GALM: variants seen among roughly 807,000 people sequenced by gnomAD.
GALM encodes aldose 1-epimerase.
GALM carries 43 observed loss-of-function variants against 37.4 expected under a neutral mutation model. The ratio of observed to expected loss-of-function variants is 1.15; its 90% CI spans 0.90 to 1.48. GALM has a LOEUF of 1.48. GALM is among the 40% of genes most tolerant of loss of function. The probability of loss-of-function intolerance (pLI) is 0.00; values close to 1 mark genes in which losing one functional copy is unlikely to be tolerated. For synonymous variants in GALM, 199 were observed against 170.6 expected (o/e 1.17, Z -1.30); for missense variants, 456 against 419.1 (o/e 1.09, Z -0.77).
At chr2:38,682,615 G>A (rs1310566139) in intron 3 of GALM, among the ~76,000 whole-genome samples, 1 of 152,126 alleles carries the variant, frequency 6.6e-6, no homozygotes, top group African/African-American at 2.4e-5. Context: ...TTAAAAACAA[G>A]GCCAGGTGCT....
At chr2:38,701,011 C>T (rs1424972216) in intron 4 of GALM, among the ~76,000 whole-genome samples, 1 of 152,184 alleles carries the variant, frequency 6.6e-6, no homozygotes, top group Non-Finnish European at 1.5e-5. Context: ...TGAATTCTGT[C>T]AGTTTTTATT....
intron 4 of GALM, among the ~76,000 whole-genome samples, chr2:38,693,028 A>G (rs1010540556): frequency 6.6e-6 from 1 of 152,148 alleles, no homozygotes; most frequent in Non-Finnish European, 1.5e-5. Flanking sequence ...TGGAACTGCA[A>G]TCCCTAGGGT....
At chr2:38,703,882 G>T (rs929212086) in intron 4 of GALM, among the ~76,000 whole-genome samples, 1 of 152,000 alleles carries the variant, frequency 6.6e-6, no homozygotes, top group Admixed American at 6.6e-5. Flanking sequence ...GGGTGTGGTG[G>T]CATGTGCCTA....
intron 4 of GALM, among the ~76,000 whole-genome samples, chr2:38,722,052 C>CCCCCCCCA (rs1666391057): frequency 9.9e-5 from 12 of 121,570 alleles, no homozygotes; most frequent in Non-Finnish European, 2.0e-4. Context: ...CCCCCCCCCC[C>CCCCCCCCA]ACCTAGAACA....
chr2:38,731,345 C>T (rs1410537691), intron 5 of GALM, among the ~76,000 whole-genome samples: 4 of 147,372 alleles, frequency 2.7e-5, no homozygotes, highest in African/African-American at 1.0e-4. Flanking sequence ...TGCAGTGAGC[C>T]GAGGTCGCGC....
intron 2 of GALM, among the ~76,000 whole-genome samples, chr2:38,681,035 G>C (rs1665380568): frequency 6.6e-6 from 1 of 151,964 alleles, no homozygotes; most frequent in Non-Finnish European, 1.5e-5. Context: ...GGGAGGCTGA[G>C]GCTTGAGAAT....
chr2:38,703,057 TATA>T (rs1665952559), intron 4 of GALM, among the ~76,000 whole-genome samples: 10 of 2,962 alleles, frequency 3.4e-3, no homozygotes, highest in African/African-American at 5.7e-3. Context: ...TGGGATTTTA[TATA>T]TATATATATA....
chr2:38,724,076 G>A (rs1329949102), intron 4 of GALM, among the ~76,000 whole-genome samples: 1 of 152,020 alleles, frequency 6.6e-6, no homozygotes, highest in Non-Finnish European at 1.5e-5. Context: ...ACACCACCAT[G>A]CCCAGCTAAT....
chr2:38,715,656 C>T (rs565439826), intron 4 of GALM, among the ~76,000 whole-genome samples: 1 of 152,218 alleles, frequency 6.6e-6, no homozygotes, highest in South Asian at 2.1e-4. Context: ...TGGTCTTGAA[C>T]TCCTGGGTTC....
rs567126536 is a variant in GALM at position 38,694,122 on chromosome 2, C to T, written c.634+4228C>T. Among the ~76,000 whole-genome samples, 310 of 152,052 alleles carry T rather than the reference C, an allele frequency of 2.0e-3. 3 individuals carry two copies. The highest frequency in any genetic ancestry group is 7.3e-3 in the African/African-American group (302 of 41,480). ...GCTTGAGCCCAGGAGGTCAAGGCTG[C>T]AGTGAGCTGTGATTGTGCCACTGCA... On this transcript the variant is annotated intron_variant, in intron 4 of 6. Transcript: ENST00000272252.
chr2:38,697,732 C>T (rs993413209), intron 4 of GALM, among the ~76,000 whole-genome samples: 1 of 152,040 alleles, frequency 6.6e-6, no homozygotes, highest in African/African-American at 2.4e-5. Flanking sequence ...GTTAGTAACC[C>T]ACTTATGGAT....
intron 3 of GALM, among the ~76,000 whole-genome samples, chr2:38,687,162 G>A (rs988660040): frequency 1.3e-5 from 2 of 152,194 alleles, no homozygotes; most frequent in African/African-American, 4.8e-5. Flanking sequence ...AGTCCCAGGG[G>A]CATCTCCAGG....
Position 38,673,509 on chromosome 2 carries a change from C to T in GALM, c.191-2403C>T, listed in dbSNP as rs529269918. 3.3e-5 allele frequency among the ~76,000 whole-genome samples: 5 copies of T among 152,232 alleles called. No homozygotes were observed. In the East Asian group the frequency reaches 9.6e-4, roughly 29 times the overall value. ...CTACTTTGCTTTTTACAGCCCCTCC[C>T]CTAAAAAGGCCCCAAACAGTTTATG... On this transcript the variant is annotated intron_variant, in intron 1 of 6. Transcript: ENST00000272252.
intron 3 of GALM, among the ~76,000 whole-genome samples, chr2:38,688,240 G>A (rs542387389): frequency 5.7e-5 from 8 of 140,418 alleles, no homozygotes; most frequent in Admixed American, 2.8e-4. Flanking sequence ...TACTGGGTGC[G>A]GTGACTCACA....
chr2:38,706,809 A>T (rs1206060460), intron 4 of GALM, among the ~76,000 whole-genome samples: 3 of 142,606 alleles, frequency 2.1e-5, no homozygotes, highest in Non-Finnish European at 1.5e-5. Context: ...CAGGAGGAAC[A>T]CTTGAATCTA....
At chr2:38,667,674 TG>T (rs1260974082) in intron 1 of GALM, among the ~76,000 whole-genome samples, 1 of 142,902 alleles carries the variant, frequency 7.0e-6, no homozygotes, top group Non-Finnish European at 1.5e-5. Context: ...TTGGTAGAGA[TG>T]GGGTTTCACC....
intron 3 of GALM, among the ~76,000 whole-genome samples, chr2:38,688,716 T>C (rs1665600276): frequency 6.6e-6 from 1 of 152,252 alleles, no homozygotes; most frequent in Non-Finnish European, 1.5e-5. Flanking sequence ...CATGCATGTA[T>C]AAAGTTATTT....
At chr2:38,675,543 TTGTGTGTGTGTG>T (rs1160196072) in intron 1 of GALM, among the ~76,000 whole-genome samples, 33 of 33,636 alleles carry the variant, frequency 9.8e-4, no homozygotes, top group South Asian at 3.7e-3. Context: ...TTTTTTTTTT[TTGTGTGTGTGTG>T]TGTGTGTGTG....
chr2:38,676,095 C>T (rs762002444), intron 2 of GALM, 29 bp downstream of exon 2: 1 of 1,611,218 alleles, frequency 6.2e-7, no homozygotes, highest in Non-Finnish European at 8.5e-7. Context: ...ACTGAGTTCC[C>T]TTTAGGCTCA....
Sources: gnomAD v4.1 joint callset for allele counts (sites outside exome capture counted in the v4.1 genomes callset) on GRCh38, gnomAD v4.1.1 for gene constraint, MANE v1.5 for transcripts, NCBI Gene and HGNC (gene_info 2026-07-23, HGNC 2026-07-21) for gene names.